The following DTL variants were observed in gnomAD, a reference collection of about 807,000 sequenced individuals.
DTL encodes denticleless protein homolog.
DTL carries 46 observed loss-of-function variants against 87.0 expected under a neutral mutation model. That is an observed-to-expected ratio of 0.53 (90% CI 0.42 to 0.68). The LOEUF (loss-of-function observed/expected upper bound fraction) is 0.68, where lower values mean the gene tolerates loss of function less well. Ranked by LOEUF, DTL falls within the 30% of genes least tolerant of loss-of-function variation. The pLI, the probability that DTL is intolerant of heterozygous loss-of-function variation, is 0.00. For missense variants in DTL, 737 were observed against 869.4 expected (o/e 0.85, Z 1.91); for synonymous variants, 308 against 311.2 (o/e 0.99, Z 0.11).
At chr1:212,058,739 C>G (rs527490431) in intron 5 of DTL, among the ~76,000 whole-genome samples, 1 of 151,176 alleles carries the variant, frequency 6.6e-6, no homozygotes, top group Admixed American at 6.6e-5. Context: ...AAAGGGTCAA[C>G]AAAACAAAAG....
chr1:212,091,916 T>C (rs932867284), intron 13 of DTL, among the ~76,000 whole-genome samples: 2 of 152,184 alleles, frequency 1.3e-5, no homozygotes, highest in African/African-American at 4.8e-5. Context: ...TAAAAATAAA[T>C]TTGCTTGAGA....
intron 5 of DTL, chr1:212,051,486 T>C (rs1207338736): frequency 2.3e-5 from 6 of 259,968 alleles, no homozygotes; most frequent in Admixed American, 2.1e-4. Context: ...TTTTTTTTTT[T>C]AGCCCAGAGG....
At chr1:212,088,872 AG>A (rs1655202617) in intron 13 of DTL, among the ~76,000 whole-genome samples, 1 of 152,232 alleles carries the variant, frequency 6.6e-6, no homozygotes, top group Non-Finnish European at 1.5e-5. Context: ...GCATCACCTG[AG>A]GTCAGGAGTT....
At chr1:212,065,088 G>C (rs1654451397) in intron 7 of DTL, 59 bp downstream of exon 7, 1 of 1,218,904 alleles carries the variant, frequency 8.2e-7, no homozygotes, top group Non-Finnish European at 1.2e-6. Context: ...AGAATAAATG[G>C]GAGGCTATTG....
rs1205819789 is a variant in DTL at position 212,100,925 on chromosome 1, A to G, written c.1935A>G (p.Glu645=). 1 of 1,614,062 alleles carries G rather than the reference A, an allele frequency of 6.2e-7. No individual in the cohort carries two copies. Among genetic ancestry groups the G allele is most frequent in the African/African-American group, 1.3e-5 (1 of 74,932 alleles). The change falls in exon 14 of 15, where the codon GAA becomes GAG. Residue 645 remains glutamate (E), a synonymous_variant. Coordinates refer to ENST00000366991, the MANE Select transcript of DTL (RefSeq NM_016448.4). ...CTCTTCCTTTGAGACCTTGTGGAGA[A>G]GGGTCTGAAATGGTAGGCAAAGAGA... ...TLPLPLRPCG[E]GSEMVGKENS...
chr1:212,072,597 C>T (rs1468310074), intron 11 of DTL, among the ~76,000 whole-genome samples: 1 of 152,040 alleles, frequency 6.6e-6, no homozygotes, highest in Non-Finnish European at 1.5e-5. Context: ...GGATCCTGTG[C>T]TTGAATCACC....
rs1211522417 is a variant in DTL at position 212,065,035 on chromosome 1, GT to G, written c.639+10del. ...AAGGACTTGCTCCTTCTGTGGTAAG[GT>G]TTTACAGATGTATACATGTGTGCAG... On this transcript the variant is annotated splice_region_variant and intron_variant, in intron 7 of 14. Transcript: ENST00000366991. 6 of 1,595,122 alleles carry G rather than the reference GT, an allele frequency of 3.8e-6. No individual in the cohort carries two copies. The highest frequency in any genetic ancestry group is 1.1e-5 in the South Asian group (1 of 90,638).
Position 212,093,019 on chromosome 1 carries a change from T to A in DTL, c.1262-7233T>A, listed in dbSNP as rs376273684. Among the ~76,000 whole-genome samples, 50 of 152,356 alleles carry A rather than the reference T, an allele frequency of 3.3e-4. No homozygotes were observed. The East Asian group carries it at 6.8e-3, about 21-fold the overall frequency. ...TGATGTTGAGCATTTTTTCATAAGT[T>A]TGATGGCCCTGTGTATATCTTTTTT... On this transcript the variant is annotated intron_variant, in intron 13 of 14. Transcript: ENST00000366991.
At chr1:212,089,106 G>A (rs1655214019) in intron 13 of DTL, among the ~76,000 whole-genome samples, 2 of 152,138 alleles carry the variant, frequency 1.3e-5, no homozygotes, top group Admixed American at 1.3e-4. Context: ...GAAAGAAGCT[G>A]CAAACTGTTA....
intron 5 of DTL, among the ~76,000 whole-genome samples, chr1:212,047,658 C>T (rs930426811): frequency 6.6e-6 from 1 of 152,188 alleles, no homozygotes; most frequent in African/African-American, 2.4e-5. Flanking sequence ...GCGTCAGCCT[C>T]CGGAGTAGCT....
chr1:212,075,760 G>A (rs535745657), intron 11 of DTL, among the ~76,000 whole-genome samples: 1 of 152,088 alleles, frequency 6.6e-6, no homozygotes, highest in East Asian at 1.9e-4. Context: ...TCATTTTAAA[G>A]TTTACAATGG....
At chr1:212,047,537 T>A in intron 5 of DTL, 120 bp downstream of exon 5, 2 of 1,330,194 alleles carry the variant, frequency 1.5e-6, no homozygotes, top group Non-Finnish European at 2.1e-6. Context: ...CATAGATGAT[T>A]AAGATTCTTT....
At chr1:212,099,100 G>A (rs1655535330) in intron 13 of DTL, among the ~76,000 whole-genome samples, 2 of 152,150 alleles carry the variant, frequency 1.3e-5, no homozygotes, top group African/African-American at 4.8e-5. Flanking sequence ...TCTTCCTGCT[G>A]CTGCTTCTAC....
intron 13 of DTL, among the ~76,000 whole-genome samples, chr1:212,088,787 C>G (rs1030541998): frequency 2.0e-5 from 3 of 152,170 alleles, no homozygotes; most frequent in African/African-American, 7.2e-5. Flanking sequence ...AGATGGCAAA[C>G]TCATATAGAA....
chr1:212,098,027 C>G (rs1655501412), intron 13 of DTL, among the ~76,000 whole-genome samples: 1 of 152,096 alleles, frequency 6.6e-6, no homozygotes, highest in African/African-American at 2.4e-5. Flanking sequence ...CTACTGGGTT[C>G]TAGGCTGGTA....
At chr1:212,040,859 C>T (rs1051151406) in intron 1 of DTL, among the ~76,000 whole-genome samples, 4 of 152,136 alleles carry the variant, frequency 2.6e-5, no homozygotes, top group Non-Finnish European at 4.4e-5. Context: ...CTCAAAATGG[C>T]ACACAATTTA....
chr1:212,087,400 A>T (rs978784143), intron 13 of DTL, among the ~76,000 whole-genome samples: 2 of 152,062 alleles, frequency 1.3e-5, no homozygotes, highest in Admixed American at 6.6e-5. Flanking sequence ...TACAAAAAAA[A>T]TTAGCCGGGC....
At chr1:212,058,772 CAA>C (rs1668252554) in intron 5 of DTL, among the ~76,000 whole-genome samples, 1 of 150,112 alleles carries the variant, frequency 6.7e-6, no homozygotes, top group Non-Finnish European at 1.5e-5. Flanking sequence ...AAAAGATAAA[CAA>C]AATCAATAAG....
rs1214874464 is a variant in DTL at position 212,068,549 on chromosome 1, G to T, written c.818-50G>T. ...TTTTTGTCTCTACATTTTAACCTCA[G>T]ATCTACTCACCATCATCAGGACGTG... On this transcript the variant is annotated intron_variant, in intron 9 of 14. Coordinates refer to ENST00000366991, the MANE Select transcript of DTL (RefSeq NM_016448.4). The T allele has an allele frequency of 6.7e-6, 8 of 1,196,686 alleles. No homozygotes were observed. The African/African-American group carries it at 1.2e-4, about 18-fold the overall frequency. 74.1% of individuals were successfully genotyped at this position (1,196,686 alleles called of 1,614,324 possible). A position where few individuals can be genotyped will look rare whatever the true frequency, so the allele number is the denominator to read the frequency against.
Sources: allele counts gnomAD v4.1 joint callset (sites outside exome capture counted in the v4.1 genomes callset), GRCh38; gene constraint gnomAD v4.1.1; transcripts MANE v1.5; gene names NCBI Gene and HGNC (gene_info 2026-07-23, HGNC 2026-07-21).